CD109: variants seen among roughly 807,000 people sequenced by gnomAD.
The protein encoded by CD109 is CD109 molecule.
CD109 carries 149 observed loss-of-function variants against 165.8 expected under a neutral mutation model. That is an observed-to-expected ratio of 0.90 (90% confidence interval 0.79 to 1.03). The LOEUF is 1.03. CD109 is among the 50% of genes least tolerant of loss of function. The pLI, the probability that CD109 is intolerant of heterozygous loss-of-function variation, is 0.00. For missense variants in CD109, 1,712 were observed against 1,677.8 expected, an observed-to-expected ratio of 1.02 and a Z score of -0.36; for synonymous variants, 585 against 592.1, an observed-to-expected ratio of 0.99 and a Z score of 0.18.
chr6:73,726,397 GT>G (rs557672723), intron 3 of CD109, among the ~76,000 whole-genome samples: 22 of 152,230 alleles, frequency 1.4e-4, no homozygotes, highest in African/African-American at 4.8e-4. Flanking sequence ...TGAAGGAGTG[GT>G]TTTATTTGAT....
chr6:73,769,120 G>C (rs1300683598), intron 14 of CD109, among the ~76,000 whole-genome samples: 1 of 152,038 alleles, frequency 6.6e-6, no homozygotes, highest in African/African-American at 2.4e-5. Context: ...TAACTCCTGG[G>C]CTCAGGAGAT....
Position 73,826,678 on chromosome 6 carries a change from T to C in CD109, c.*3045T>C, listed in dbSNP as rs1302226693. ...TAAAAATAGTATCTTTGGTTTAGTATTTTGGATTATATATTATAATCTGAG... is the reference window on the plus strand; with the variant it reads ...TAAAAATAGTATCTTTGGTTTAGTACTTTGGATTATATATTATAATCTGAG... On this transcript the variant is annotated 3_prime_UTR_variant, in exon 33 of 33. Coordinates refer to ENST00000287097, the MANE Select transcript of CD109 (RefSeq NM_133493.5). 6.6e-6 allele frequency: 1 copy of C among 152,198 alleles called. No homozygotes were observed. Among genetic ancestry groups the C allele is most frequent in the African/African-American group, 2.4e-5 (1 of 41,456 alleles). 9.4% of individuals were successfully genotyped at this position (152,198 alleles called of 1,614,324 possible).
rs1211764980 is a variant in CD109, at chr6:73,721,927, G to A, written c.248-1324G>A. Reference sequence around the variant, plus strand: ...TTTTTGTAGTTTTTAGTGGAGATGGGGTTTTGCCATGTTGGCCAGGCTGGT... The same window carrying A: ...TTTTTGTAGTTTTTAGTGGAGATGGAGTTTTGCCATGTTGGCCAGGCTGGT... On this transcript the variant is annotated intron_variant, in intron 2 of 32. Coordinates refer to ENST00000287097, the MANE Select transcript of CD109 (RefSeq NM_133493.5). 2.0e-5 allele frequency among the ~76,000 whole-genome samples: 3 copies of A among 151,946 alleles called. No homozygotes were observed. In the East Asian group the frequency reaches 5.8e-4, roughly 29 times the overall value.
upstream of CD109, among the ~76,000 whole-genome samples, chr6:73,691,223 G>A (rs969236992): frequency 5.9e-5 from 9 of 152,136 alleles, no homozygotes; most frequent in Non-Finnish European, 1.3e-4. Flanking sequence ...GCAACTAACT[G>A]CTCCCTGCCA....
chr6:73,822,992 G>T (rs148672406), intron 32 of CD109, among the ~76,000 whole-genome samples: 1 of 152,168 alleles, frequency 6.6e-6, no homozygotes, highest in Non-Finnish European at 1.5e-5. Context: ...TATTGCATAG[G>T]CAGTCTTCCC....
In CD109 at chr6:73,815,124, G is replaced by T. The variant is rs533334408; in HGVS notation, c.3911+1G>T. 5.7e-6 allele frequency: 9 copies of T among 1,574,760 alleles called. No individual in the cohort carries two copies. The East Asian group carries it at 2.1e-4, about 37-fold the overall frequency. Reference sequence around the variant, plus strand: ...ATGTGGATTTGAATGTGTGTACAAGGTAAGTGTCTGCTTAGGTCTCTCTTC... The same window carrying T: ...ATGTGGATTTGAATGTGTGTACAAGTTAAGTGTCTGCTTAGGTCTCTCTTC... On this transcript the variant is annotated splice_donor_variant, in intron 30 of 32. Coordinates refer to ENST00000287097, the MANE Select transcript of CD109 (RefSeq NM_133493.5). LOFTEE classifies it high-confidence loss of function.
chr6:73,820,330 T>C (rs2150311866), intron 31 of CD109, 131 bp from the exon 32 acceptor site: 1 of 566,610 alleles, frequency 1.8e-6, no homozygotes, highest in Non-Finnish European at 3.2e-6. Context: ...CTTACTGCAG[T>C]ATCTGACATG....
At chr6:73,729,321 A>C (rs1772256580) in intron 3 of CD109, among the ~76,000 whole-genome samples, 1 of 150,672 alleles carries the variant, frequency 6.6e-6, no homozygotes, top group African/African-American at 2.5e-5. Flanking sequence ...CATATTTTAA[A>C]ATTACCACAT....
intron 6 of CD109, among the ~76,000 whole-genome samples, chr6:73,757,623 C>A (rs1773445714): frequency 6.6e-6 from 1 of 151,978 alleles, no homozygotes; most frequent in Non-Finnish European, 1.5e-5. Flanking sequence ...TTGAGCACTT[C>A]AAATGTGGCT....
rs182404034 is a variant in CD109, at chr6:73,725,895, T to C, written c.276+2616T>C. Among the ~76,000 whole-genome samples the C allele has an allele frequency of 3.6e-3, 541 of 152,370 alleles. 2 individuals carry two copies. Among genetic ancestry groups the C allele is most frequent in the Admixed American group, 6.9e-3 (105 of 15,298 alleles). Reference sequence around the variant, plus strand: ...TGTCTTTAATATTATGTCATTTCAATTGTATATAAATATAGCTATTATCTA... The same window carrying C: ...TGTCTTTAATATTATGTCATTTCAACTGTATATAAATATAGCTATTATCTA... On this transcript the variant is annotated intron_variant, in intron 3 of 32. Transcript: ENST00000287097.
intron 17 of CD109, among the ~76,000 whole-genome samples, chr6:73,781,818 C>CAG (rs1774517453): frequency 1.6e-5 from 2 of 123,490 alleles, no homozygotes; most frequent in Non-Finnish European, 1.7e-5. Context: ...CACACGCAGA[C>CAG]ACACACACAC....
chr6:73,681,955 T>A, the CD109 span, among the ~76,000 whole-genome samples: 1 of 152,060 alleles, frequency 6.6e-6, no homozygotes, highest in Non-Finnish European at 1.5e-5. Context: ...TTCACTATCA[T>A]GAGAACAGCA....
Position 73,791,162 on chromosome 6 carries a change from T to TATACACATACAC in CD109, c.2702-1461_2702-1460insCACATACACATA, listed in dbSNP as rs1774931751. Reference sequence around the variant, plus strand: ...ATATATATATATATATATATATATATATATATATATATATACACACACACA... The same window carrying TATACACATACAC: ...ATATATATATATATATATATATATATATACACATACACATATATATATATATACACACACACA... On this transcript the variant is annotated intron_variant, in intron 22 of 32. Transcript: ENST00000287097. Among the ~76,000 whole-genome samples, 139 of 36,306 alleles carry TATACACATACAC rather than the reference T, an allele frequency of 3.8e-3. 10 individuals are homozygous for TATACACATACAC. Among genetic ancestry groups the TATACACATACAC allele is most frequent in the Middle Eastern group, 0.026 (2 of 76 alleles). 23.8% of individuals were successfully genotyped at this position (36,306 alleles called of 152,430 possible).
At chr6:73,696,537 C>T (rs1344610023) in intron 1 of CD109, among the ~76,000 whole-genome samples, 5 of 152,368 alleles carry the variant, frequency 3.3e-5, no homozygotes, top group Middle Eastern at 3.4e-3. Flanking sequence ...GCCATAACAA[C>T]TTTCTGAAGA....
chr6:73,684,825 C>G, the CD109 span, among the ~76,000 whole-genome samples: 1 of 152,082 alleles, frequency 6.6e-6, no homozygotes, highest in Non-Finnish European at 1.5e-5. Flanking sequence ...GCTGGGACCA[C>G]GCTACCATGT....
At chr6:73,785,556 T>A in intron 20 of CD109, 79 bp downstream of exon 20, 1 of 719,876 alleles carries the variant, frequency 1.4e-6, no homozygotes, top group Non-Finnish European at 2.3e-6. Flanking sequence ...GGTTGTGTAG[T>A]ATCTGGGCAT....
intron 20 of CD109, 56 bp from the exon 21 acceptor site, chr6:73,787,178 C>T (rs1774728138): frequency 9.1e-7 from 1 of 1,104,236 alleles, no homozygotes; most frequent in Admixed American, 2.1e-5. Flanking sequence ...GATAAAAGAG[C>T]ACTTTACTGA....
chr6:73,697,279 C>T lies in CD109; in HGVS notation c.75-121C>T, dbSNP rs1253316905. On this transcript the variant is annotated intron_variant, in intron 1 of 32. Coordinates refer to ENST00000287097, the MANE Select transcript of CD109 (RefSeq NM_133493.5). ...CAAATAGAGCAGTGGGCAATGTTAA[C>T]GGAAACAACTGCAATTGGCGCAGTA... The T allele has an allele frequency of 1.2e-5, 9 of 775,784 alleles. No homozygotes were observed. The East Asian group carries it at 1.5e-4, about 13-fold the overall frequency. 48.1% of individuals were successfully genotyped at this position (775,784 alleles called of 1,614,324 possible).
chr6:73,820,705 A>G, intron 32 of CD109, 142 bp downstream of exon 32: 2 of 482,132 alleles, frequency 4.1e-6, no homozygotes. Context: ...GGGGGCAGGA[A>G]GTGAGCATTC....
Sources: gnomAD v4.1 joint callset for allele counts (sites outside exome capture counted in the v4.1 genomes callset) on GRCh38, gnomAD v4.1.1 for gene constraint, MANE v1.5 for transcripts, NCBI Gene and HGNC (gene_info 2026-07-23, HGNC 2026-07-21) for gene names.